Variants in KIAA0825 observed in about 807,000 individuals in gnomAD.
The protein encoded by KIAA0825 is uncharacterized protein KIAA0825.
KIAA0825 carries 119 observed loss-of-function variants against 147.6 expected under a neutral mutation model. The ratio of observed to expected loss-of-function variants is 0.81; its 90% CI spans 0.69 to 0.94. KIAA0825 has a LOEUF of 0.94. KIAA0825 is among the 40% of genes least tolerant of loss of function. KIAA0825 has a pLI of 0.00. For missense variants in KIAA0825, 1,381 were observed against 1,472.7 expected (o/e 0.94, Z 1.02); for synonymous variants, 470 against 518.1 (o/e 0.91, Z 1.26).
chr5:94,297,521 C>T (rs1240786081), intron 20 of KIAA0825, among the ~76,000 whole-genome samples: 1 of 152,168 alleles, frequency 6.6e-6, no homozygotes. Context: ...TGACATTATA[C>T]ACTCAGAGTT....
At chr5:94,338,786 T>G (rs1241593921) in intron 20 of KIAA0825, among the ~76,000 whole-genome samples, 1 of 152,152 alleles carries the variant, frequency 6.6e-6, no homozygotes, top group Non-Finnish European at 1.5e-5. Context: ...ATTGCCTAAT[T>G]ACACATTTCT....
chr5:94,392,563 G>A (rs1374793328), intron 17 of KIAA0825, among the ~76,000 whole-genome samples: 1 of 152,100 alleles, frequency 6.6e-6, no homozygotes, highest in Non-Finnish European at 1.5e-5. Flanking sequence ...AATTGTTATT[G>A]GGATCATGCT....
intron 1 of KIAA0825, among the ~76,000 whole-genome samples, chr5:94,610,426 C>CAAAA (rs199687437): frequency 1.6e-5 from 1 of 63,214 alleles, no homozygotes; most frequent in African/African-American, 5.7e-5. Context: ...AAGACTGTCT[C>CAAAA]AAAAAAAAAA....
intron 20 of KIAA0825, among the ~76,000 whole-genome samples, chr5:94,157,708 C>T (rs1366285513): frequency 2.0e-5 from 3 of 152,000 alleles, no homozygotes; most frequent in Non-Finnish European, 4.4e-5. Context: ...ACAATGAGAC[C>T]TTGAGGTGTG....
At chr5:94,233,252 G>C (rs914259274) in intron 20 of KIAA0825, among the ~76,000 whole-genome samples, 1 of 152,136 alleles carries the variant, frequency 6.6e-6, no homozygotes, top group Non-Finnish European at 1.5e-5. Flanking sequence ...TATCTAACTA[G>C]CATGTACTAT....
chr5:94,444,636 G>A (rs1193822705), intron 13 of KIAA0825, among the ~76,000 whole-genome samples: 1 of 152,082 alleles, frequency 6.6e-6, no homozygotes, highest in Non-Finnish European at 1.5e-5. Context: ...ATAGGTGGTA[G>A]AAGAATGTAA....
chr5:94,508,541 G>C (rs1241215881), intron 5 of KIAA0825, among the ~76,000 whole-genome samples: 11 of 152,128 alleles, frequency 7.2e-5, no homozygotes, highest in Non-Finnish European at 1.0e-4. Context: ...AAAAAAAAGG[G>C]GGGGGAAGTA....
intron 20 of KIAA0825, among the ~76,000 whole-genome samples, chr5:94,336,728 T>G (rs2434363): frequency 0.35 from 53,360 of 151,914 alleles, 9,605 homozygotes; most frequent in Middle Eastern, 0.38. Context: ...GCATACGTGT[T>G]CATGTGTCTT....
chr5:94,556,092 G>A (rs1776489200), intron 2 of KIAA0825, among the ~76,000 whole-genome samples: 2 of 148,728 alleles, frequency 1.3e-5, no homozygotes, highest in African/African-American at 2.5e-5. Flanking sequence ...TCACTCTGTT[G>A]CCCAGGCTGG....
At position 94,160,579 on chromosome 5, in the gene KIAA0825, ATT is replaced by A. The variant is rs1479011724; in HGVS notation, c.3711-6457_3711-6456del. On this transcript the variant is annotated intron_variant, in intron 20 of 20. Transcript: ENST00000682413. ...AAGTATAAATACTGTATGTGTATAT[ATT>A]AAATATATACTGTATGTATGTATAT... 5.4e-5 allele frequency among the ~76,000 whole-genome samples: 8 copies of A among 148,336 alleles called. No individual in the cohort carries two copies. The South Asian group carries it at 1.7e-3, about 31-fold the overall frequency.
intron 6 of KIAA0825, among the ~76,000 whole-genome samples, chr5:94,478,967 CA>C (rs1392780717): frequency 1.3e-5 from 2 of 152,044 alleles, no homozygotes; most frequent in Non-Finnish European, 2.9e-5. Flanking sequence ...TTCCAGTTTA[CA>C]AAAAAATTGA....
intron 2 of KIAA0825, among the ~76,000 whole-genome samples, chr5:94,566,394 A>G (rs1778720656): frequency 6.6e-6 from 1 of 152,206 alleles, no homozygotes; most frequent in Non-Finnish European, 1.5e-5. Flanking sequence ...TTTGAAACAC[A>G]TATTACTAAC....
At chr5:94,375,219 G>A (rs59650303) in intron 20 of KIAA0825, among the ~76,000 whole-genome samples, 2,798 of 151,836 alleles carry the variant, frequency 0.018, 90 homozygotes, top group African/African-American at 0.064. Context: ...TTTTAGTAGA[G>A]ACAGGGTTTC....
intron 1 of KIAA0825, among the ~76,000 whole-genome samples, chr5:94,607,610 AAAACAAAC>A (rs746072286): frequency 5.1e-4 from 77 of 152,240 alleles, no homozygotes; most frequent in African/African-American, 1.8e-3. Context: ...GTCCGTCTCC[AAAACAAAC>A]AAACAAACAA....
chr5:94,360,394 A>G (rs2150401065), intron 20 of KIAA0825, among the ~76,000 whole-genome samples: 1 of 152,304 alleles, frequency 6.6e-6, no homozygotes, highest in African/African-American at 2.4e-5. Context: ...ATAGGGTCTG[A>G]GTAAAATAAG....
intron 1 of KIAA0825, among the ~76,000 whole-genome samples, chr5:94,601,583 T>G (rs758988496): frequency 4.3e-4 from 66 of 152,162 alleles, no homozygotes; most frequent in Non-Finnish European, 2.4e-4. Context: ...CCTCAGAATG[T>G]AGATAAAAAC....
chr5:94,262,532 T>G (rs1238178478), intron 20 of KIAA0825, among the ~76,000 whole-genome samples: 3 of 152,176 alleles, frequency 2.0e-5, no homozygotes, highest in African/African-American at 7.2e-5. Context: ...AGATAAATAT[T>G]CATCAGTTTG....
intron 3 of KIAA0825, among the ~76,000 whole-genome samples, chr5:94,529,295 T>TA (rs567120426): frequency 2.2e-5 from 3 of 139,402 alleles, no homozygotes; most frequent in African/African-American, 5.7e-5. Flanking sequence ...TATGTATATA[T>TA]CATATATATG....
At chr5:94,425,234 A>G (rs1754705094) in intron 14 of KIAA0825, among the ~76,000 whole-genome samples, 1 of 152,224 alleles carries the variant, frequency 6.6e-6, no homozygotes, top group Non-Finnish European at 1.5e-5. Flanking sequence ...AAAATTGTCA[A>G]TAAAATGCTA....
Sources: gnomAD v4.1 joint callset for allele counts (sites outside exome capture counted in the v4.1 genomes callset) on GRCh38, gnomAD v4.1.1 for gene constraint, MANE v1.5 for transcripts, NCBI Gene and HGNC (gene_info 2026-07-23, HGNC 2026-07-21) for gene names.